Variants in CD37 observed in about 807,000 individuals in gnomAD.
CD37 encodes the protein CD37 molecule.
In CD37, 37 loss-of-function variants were observed where a neutral mutation model predicts 38.9. The observed-to-expected ratio is 0.95, with a 90% CI of 0.73 to 1.25. The LOEUF (loss-of-function observed/expected upper bound fraction) is 1.25. Ranked by LOEUF, CD37 falls within the 50% of genes most tolerant of loss-of-function variation. CD37 has a pLI of 0.00. For synonymous variants in CD37, 146 were observed against 150.1 expected, an observed-to-expected ratio of 0.97 and a Z score of 0.20; for missense variants, 351 against 360.1, an observed-to-expected ratio of 0.97 and a Z score of 0.20.
At position 49,338,835 on chromosome 19, in the gene CD37, A is replaced by G. The variant is rs1971061235; in HGVS notation, c.583A>G (p.Lys195Glu). The G allele has an allele frequency of 6.2e-7, 1 of 1,614,108 alleles. No homozygotes were observed. The highest frequency in any genetic ancestry group is 2.2e-5 in the East Asian group (1 of 44,874). ...SATNDSTILDKVILPQLSRLG... is the reference protein window; with the variant it reads ...SATNDSTILDEVILPQLSRLG... Reference sequence around the variant, plus strand: ...GACCAACGACTCCACAATCCTAGATAAGGTGATCTTGCCCCAGCTCAGCAG... The same window carrying G: ...GACCAACGACTCCACAATCCTAGATGAGGTGATCTTGCCCCAGCTCAGCAG... The change falls in exon 6 of 8, where the codon AAG becomes GAG. Residue 195 changes from lysine (K) to glutamate (E), a missense_variant. Transcript: ENST00000323906. This position sits in a 1 kb window ranked among gnomAD's most constrained non-coding sequence, Gnocchi z 5.0.
chr19:49,339,448 TA>T lies in CD37; in HGVS notation c.768+38del. ...CCCCGCCCCCACCCGCGATCGGCCC[TA>T]AATCCCTAGATGGCCCTGCCCTTCA... On this transcript the variant is annotated intron_variant, in intron 7 of 7. Coordinates refer to ENST00000323906, the MANE Select transcript of CD37 (RefSeq NM_001774.3). This position sits in a 1 kb window ranked among gnomAD's most constrained non-coding sequence, Gnocchi z 4.5. 6.3e-7 allele frequency: 1 copy of T among 1,595,848 alleles called. No homozygotes were observed.
In CD37 at chr19:49,338,883, A is replaced by T; in HGVS notation, c.631A>T (p.Arg211Ter). Residue 211 changes from arginine to a stop codon, truncating the protein, a stop_gained, in exon 6 of 8, where the codon AGA (arginine) becomes TGA (stop). Coordinates refer to ENST00000323906, the MANE Select transcript of CD37 (RefSeq NM_001774.3). LOFTEE classifies it high-confidence loss of function. This position sits in a 1 kb window ranked among gnomAD's most constrained non-coding sequence, Gnocchi z 5.0. ...CAGGCTTGGACACCTGGCGCGGTCC[A>T]GACACAGTGCAGACATCTGCGCTGT... The part of the protein sequence containing the change: ...LSRLGHLARS[R>*]HSADICAVPA... 6.2e-7 allele frequency: 1 copy of T among 1,614,164 alleles called. No individual in the cohort carries two copies. The highest frequency in any genetic ancestry group is 8.5e-7 in the Non-Finnish European group (1 of 1,180,036).
chr19:49,335,889 G>A lies in CD37; in HGVS notation c.142+103G>A. The A allele has an allele frequency of 1.1e-6, 1 of 919,112 alleles. No homozygotes were observed. Among genetic ancestry groups the A allele is most frequent in the Non-Finnish European group, 1.8e-6 (1 of 568,488 alleles). 56.9% of individuals were successfully genotyped at this position (919,112 alleles called of 1,614,324 possible). A position where few individuals can be genotyped will look rare whatever the true frequency, so the allele number is the denominator to read the frequency against. ...CCTACGGTGCCCTACTCTGCAGGCA[G>A]GCTACAGGCTCCCATCCACTGCTCA... is the stretch of plus-strand genomic sequence containing the variant. On this transcript the variant is annotated intron_variant, in intron 2 of 7. Transcript: ENST00000323906. This position sits in a 1 kb window ranked among gnomAD's most constrained non-coding sequence, Gnocchi z 4.6.
chr19:49,338,801 C>A lies in CD37; in HGVS notation c.549C>A (p.Asn183Lys). ...ACCGCGTGCCCTGCTCCTGCTACAA[C>A]TTGTCGGCGACCAACGACTCCACAA... is the stretch of plus-strand genomic sequence containing the variant. ...EAHRVPCSCY[N>K]LSATNDSTIL... The change falls in exon 6 of 8, where the codon AAC becomes AAA. Residue 183 changes from asparagine to lysine, a missense_variant. Coordinates refer to ENST00000323906, the MANE Select transcript of CD37 (RefSeq NM_001774.3). The surrounding 1 kb of genome is among the most constrained non-coding windows in gnomAD (Gnocchi z 5.0). 6.2e-7 allele frequency: 1 copy of A among 1,613,978 alleles called. No individual in the cohort carries two copies. The highest frequency in any genetic ancestry group is 8.5e-7 in the Non-Finnish European group (1 of 1,180,002).
At position 49,335,428 on chromosome 19, in the gene CD37, T is replaced by C; in HGVS notation, c.-113T>C. 1 of 808,742 alleles carries C rather than the reference T, an allele frequency of 1.2e-6. No individual in the cohort carries two copies. The highest frequency in any genetic ancestry group is 2.4e-5 in the East Asian group (1 of 41,100). The allele number at this position is 808,742 out of a possible 1,614,324, so 50.1% of individuals were successfully genotyped here. Reference sequence around the variant, plus strand: ...TTCCTCTTTTGGGGTTCTTCCTTTCTCTCTCAGCTCTCCGTCTCTCTTTCT... The same window carrying C: ...TTCCTCTTTTGGGGTTCTTCCTTTCCCTCTCAGCTCTCCGTCTCTCTTTCT... On this transcript the variant is annotated 5_prime_UTR_variant, in exon 1 of 8. Coordinates refer to ENST00000323906, the MANE Select transcript of CD37 (RefSeq NM_001774.3). This position sits in a 1 kb window ranked among gnomAD's most constrained non-coding sequence, Gnocchi z 4.6.
chr19:49,336,893 C>T lies in CD37; in HGVS notation c.143-16C>T, dbSNP rs1335265731. On this transcript the variant is annotated splice_polypyrimidine_tract_variant and intron_variant, in intron 2 of 7. Coordinates refer to ENST00000323906, the MANE Select transcript of CD37 (RefSeq NM_001774.3). ...TGTGCCACACAGCTCATCATCACTC[C>T]CCTCACCTCTCCCAGGCTTGGCCTT... 7.4e-6 allele frequency: 12 copies of T among 1,613,322 alleles called. No individual in the cohort carries two copies. The highest frequency in any genetic ancestry group is 1.0e-5 in the Non-Finnish European group (12 of 1,179,570).
rs200793283 is a variant in CD37, at chr19:49,339,310, C to T, written c.685-20C>T. On this transcript the variant is annotated intron_variant, in intron 6 of 7. Transcript: ENST00000323906. The surrounding 1 kb of genome is among the most constrained non-coding windows in gnomAD (Gnocchi z 4.5). ...AGAGTCCCAGAAAGAATCCCTTTAA[C>T]TTTTCCCTACACCCCCCAGGGCTGC... 4.7e-4 allele frequency: 751 copies of T among 1,609,706 alleles called. No individual in the cohort carries two copies. Among genetic ancestry groups the T allele is most frequent in the Admixed American group, 5.9e-4 (35 of 59,670 alleles).
intron 2 of CD37, chr19:49,336,026 G>A (rs354022): frequency 0.75 from 419,647 of 556,638 alleles, 159,105 homozygotes; most frequent in South Asian, 0.83. Flanking sequence ...GGGACTTGTG[G>A]CTGGTCAGAT....
At position 49,338,202 on chromosome 19, in the gene CD37, G is replaced by T; in HGVS notation, c.447+173G>T. ...AGATGACACAACTGTCCCCGGCGTCGCCTGGTCTCCCAGTACCCAGACCCT... is the reference window on the plus strand; with the variant it reads ...AGATGACACAACTGTCCCCGGCGTCTCCTGGTCTCCCAGTACCCAGACCCT... On this transcript the variant is annotated intron_variant, in intron 5 of 7. Transcript: ENST00000323906. The surrounding 1 kb of genome is among the most constrained non-coding windows in gnomAD (Gnocchi z 5.0). The T allele has an allele frequency of 1.4e-6, 2 of 1,432,886 alleles. No individual in the cohort carries two copies. The highest frequency in any genetic ancestry group is 3.0e-5 in the South Asian group (2 of 66,742). 88.8% of individuals were successfully genotyped at this position (1,432,886 alleles called of 1,614,324 possible). A position where few individuals can be genotyped will look rare whatever the true frequency, so the allele number is the denominator to read the frequency against.
chr19:49,337,945 C>T lies in CD37; in HGVS notation c.363C>T (p.Asp121=), dbSNP rs769671145. The change falls in exon 5 of 8, where the codon GAC becomes GAT. Residue 121 remains aspartate (D), a synonymous_variant. Transcript: ENST00000323906. ...QRAQLERSLR[D]VVEKTIQKYG... ...CTCAGCTGGAGCGAAGCTTGCGGGA[C>T]GTCGTAGAGAAAACCATCCAAAAGT... 2 of 1,614,026 alleles carry T rather than the reference C, an allele frequency of 1.2e-6. No homozygotes were observed. Among genetic ancestry groups the T allele is most frequent in the Non-Finnish European group, 1.7e-6 (2 of 1,179,974 alleles).
Position 49,338,235 on chromosome 19 carries a change from C to T in CD37, c.447+206C>T. 2 of 1,405,528 alleles carry T rather than the reference C, an allele frequency of 1.4e-6. No individual in the cohort carries two copies. Among genetic ancestry groups the T allele is most frequent in the Non-Finnish European group, 1.9e-6 (2 of 1,079,654 alleles). 87.1% of individuals were successfully genotyped at this position (1,405,528 alleles called of 1,614,324 possible). A position where few individuals can be genotyped will look rare whatever the true frequency, so the allele number is the denominator to read the frequency against. On this transcript the variant is annotated intron_variant, in intron 5 of 7. Transcript: ENST00000323906. The surrounding 1 kb of genome is among the most constrained non-coding windows in gnomAD (Gnocchi z 5.0). The stretch of plus-strand genomic sequence containing the variant: ...TCCCAGTACCCAGACCCTGGCGTGG[C>T]TTCGCCATCTACCTCGAGAGACTCC...
chr19:49,338,783 G>A lies in CD37; in HGVS notation c.531G>A (p.Val177=). ...LRGNGSEAHR[V]PCSCYNLSAT... ...GTAACGGGTCGGAGGCGCACCGCGT[G>A]CCCTGCTCCTGCTACAACTTGTCGG... The change falls in exon 6 of 8, where the codon GTG becomes GTA. Residue 177 remains valine (V), a synonymous_variant. Transcript: ENST00000323906. This position sits in a 1 kb window ranked among gnomAD's most constrained non-coding sequence, Gnocchi z 5.0. The A allele has an allele frequency of 6.2e-7, 1 of 1,613,936 alleles. No individual in the cohort carries two copies. The highest frequency in any genetic ancestry group is 8.5e-7 in the Non-Finnish European group (1 of 1,180,030).
In CD37 at chr19:49,335,847, C is replaced by T. The variant is rs767802627; in HGVS notation, c.142+61C>T. 2 of 1,399,014 alleles carry T rather than the reference C, an allele frequency of 1.4e-6. No individual in the cohort carries two copies. Among genetic ancestry groups the T allele is most frequent in the Admixed American group, 3.3e-5 (2 of 59,726 alleles). The allele number at this position is 1,399,014 out of a possible 1,614,324, so 86.7% of individuals were successfully genotyped here. On this transcript the variant is annotated intron_variant, in intron 2 of 7. Transcript: ENST00000323906. The surrounding 1 kb of genome is among the most constrained non-coding windows in gnomAD (Gnocchi z 4.6). ...CAACCCAAGCAACTTCCTGGGGTCT[C>T]CCTTGTCTCAGGGAGACCTACGGTG...
In CD37 at chr19:49,339,973, G is replaced by C; in HGVS notation, c.769-278G>C. ...GGCACAATTAGAGGCTGAGGCAGAG[G>C]GGGAAGACAGATGAGCCTCCAAAAT... is the stretch of plus-strand genomic sequence containing the variant. On this transcript the variant is annotated intron_variant, in intron 7 of 7. Coordinates refer to ENST00000323906, the MANE Select transcript of CD37 (RefSeq NM_001774.3). This position sits in a 1 kb window ranked among gnomAD's most constrained non-coding sequence, Gnocchi z 4.5. The C allele has an allele frequency of 7.0e-7, 1 of 1,423,872 alleles. No individual in the cohort carries two copies. Among genetic ancestry groups the C allele is most frequent in the Non-Finnish European group, 9.2e-7 (1 of 1,090,894 alleles). The allele number at this position is 1,423,872 out of a possible 1,614,324, so 88.2% of individuals were successfully genotyped here.
In CD37 at chr19:49,335,672, TC is replaced by T; in HGVS notation, c.70-38del. On this transcript the variant is annotated intron_variant, in intron 1 of 7. Transcript: ENST00000323906. The surrounding 1 kb of genome is among the most constrained non-coding windows in gnomAD (Gnocchi z 4.6). ...CCTGCCGCTAACCCAGCCCTCATCT[TC>T]CCCTGTGGCCCACCCCCGTATCCGC... is the stretch of plus-strand genomic sequence containing the variant. 6.2e-7 allele frequency: 1 copy of T among 1,611,598 alleles called. No individual in the cohort carries two copies. The highest frequency in any genetic ancestry group is 1.1e-5 in the South Asian group (1 of 91,022).
rs1038434567 is a variant in CD37, at chr19:49,335,431, C to T, written c.-110C>T. 2.2e-5 allele frequency: 18 copies of T among 830,844 alleles called. No individual in the cohort carries two copies. The highest frequency in any genetic ancestry group is 3.6e-5 in the Non-Finnish European group (18 of 499,100). The allele number at this position is 830,844 out of a possible 1,614,324, so 51.5% of individuals were successfully genotyped here. On this transcript the variant is annotated 5_prime_UTR_variant, in exon 1 of 8. Transcript: ENST00000323906. The surrounding 1 kb of genome is among the most constrained non-coding windows in gnomAD (Gnocchi z 4.6). ...CTCTTTTGGGGTTCTTCCTTTCTCT[C>T]TCAGCTCTCCGTCTCTCTTTCTCTC...
At position 49,339,371 on chromosome 19, in the gene CD37, T is replaced by G. The variant is rs1190709076; in HGVS notation, c.726T>G (p.Leu242=). Residue 242 remains leucine (L), a synonymous_variant, in exon 7 of 8, where the codon CTT becomes CTG. Transcript: ENST00000323906. The surrounding 1 kb of genome is among the most constrained non-coding windows in gnomAD (Gnocchi z 4.5). ...QGLQKWLHNN[L]ISIVGICLGV... ...TCCAGAAGTGGCTGCACAACAACCT[T>G]ATTTCCATAGTGGGCATTTGCCTGG... 2.5e-6 allele frequency: 4 copies of G among 1,614,046 alleles called. No individual in the cohort carries two copies. The highest frequency in any genetic ancestry group is 2.5e-6 in the Non-Finnish European group (3 of 1,179,960).
chr19:49,339,956 T>TA lies in CD37; in HGVS notation c.769-294dup, dbSNP rs1568552443. On this transcript the variant is annotated intron_variant, in intron 7 of 7. Coordinates refer to ENST00000323906, the MANE Select transcript of CD37 (RefSeq NM_001774.3). This position sits in a 1 kb window ranked among gnomAD's most constrained non-coding sequence, Gnocchi z 4.5. ...GGCGCAGAATTAGAGGAGGCACAAT[T>TA]AGAGGCTGAGGCAGAGGGGGAAGAC... 2 of 1,401,574 alleles carry TA rather than the reference T, an allele frequency of 1.4e-6. No homozygotes were observed. The highest frequency in any genetic ancestry group is 2.9e-5 in the African/African-American group (2 of 68,866). 86.8% of individuals were successfully genotyped at this position (1,401,574 alleles called of 1,614,324 possible).
Position 49,337,203 on chromosome 19 carries a change from C to A in CD37, c.324C>A (p.Ile108=). The A allele has an allele frequency of 1.2e-6, 2 of 1,614,188 alleles. No homozygotes were observed. Among genetic ancestry groups the A allele is most frequent in the Non-Finnish European group, 1.7e-6 (2 of 1,180,030 alleles). ...FATQITLGIL[I]STQRAQLERS... ...CACAGATCACCCTGGGAATCCTCAT[C>A]TCCACTCAGCGGGCCCAGGTGAGCT... is the stretch of plus-strand genomic sequence containing the variant. The change falls in exon 4 of 8, where the codon ATC becomes ATA. Residue 108 remains isoleucine, a synonymous_variant. Coordinates refer to ENST00000323906, the MANE Select transcript of CD37 (RefSeq NM_001774.3).
Sources: allele counts gnomAD v4.1 joint callset, GRCh38; gene constraint gnomAD v4.1.1; non-coding constraint Gnocchi (gnomAD v3.1); transcripts MANE v1.5; gene names NCBI Gene and HGNC (gene_info 2026-07-23, HGNC 2026-07-21).